The following ZNF558 variants were observed in gnomAD, a reference collection of about 807,000 sequenced individuals.
ZNF558 encodes the protein zinc finger protein 558.
Under a neutral mutation model 37.6 loss-of-function variants are expected in ZNF558, and 23 were observed. The ratio of observed to expected loss-of-function variants is 0.61; its 90% CI spans 0.44 to 0.87. The LOEUF is 0.87. Ranked by LOEUF, ZNF558 falls within the 40% of genes least tolerant of loss-of-function variation. ZNF558 has a pLI of 0.00. For synonymous variants in ZNF558, 189 were observed against 174.4 expected (o/e 1.08, Z -0.66); for missense variants, 429 against 483.7 (o/e 0.89, Z 1.06).
At chr19:8,823,544 A>G (rs1370158252) in intron 4 of ZNF558, among the ~76,000 whole-genome samples, 1 of 83,720 alleles carries the variant, frequency 1.2e-5, no homozygotes, top group Non-Finnish European at 2.2e-5. Context: ...CTGTTACCCC[A>G]ACTCCTGCCC....
intron 2 of ZNF558, among the ~76,000 whole-genome samples, chr19:8,825,961 A>C (rs1450072168): frequency 6.6e-6 from 1 of 152,164 alleles, no homozygotes; most frequent in African/African-American, 2.4e-5. Context: ...GGTCCTTATA[A>C]AAGGGAAACA....
intron 7 of ZNF558, among the ~76,000 whole-genome samples, chr19:8,820,762 C>A (rs2044065274): frequency 6.6e-6 from 1 of 152,186 alleles, no homozygotes; most frequent in Non-Finnish European, 1.5e-5. Flanking sequence ...AGGTGTGAGC[C>A]ACCACACCTG....
chr19:8,812,991 G>A, intron 8 of ZNF558, 136 bp downstream of exon 8: 1 of 679,636 alleles, frequency 1.5e-6, no homozygotes, highest in Non-Finnish European at 2.6e-6. Context: ...CACACCAAAT[G>A]TTCTCGTGCA....
Position 8,811,899 on chromosome 19 carries a change from A to T in ZNF558, c.591T>A (p.Ile197=). Residue 197 remains isoleucine (I), a synonymous_variant, in exon 10 of 10, where the codon ATT becomes ATA. Transcript: ENST00000601372. ...TCTCCCCATTATGGATTCTCTTATG[A>T]ATAGTAAGGTAAGATCTGCTACTGA... ...KSFSSRSYLT[I]HKRIHNGEKP... 1 of 1,614,020 alleles carries T rather than the reference A, an allele frequency of 6.2e-7. No individual in the cohort carries two copies. The highest frequency in any genetic ancestry group is 8.5e-7 in the Non-Finnish European group (1 of 1,179,994).
Position 8,822,920 on chromosome 19 carries a change from A to G in ZNF558, c.-65-196T>C. The G allele has an allele frequency of 3.6e-6, 2 of 558,848 alleles. No homozygotes were observed. Among genetic ancestry groups the G allele is most frequent in the Non-Finnish European group, 6.4e-6 (2 of 311,252 alleles). The allele number at this position is 558,848 out of a possible 1,614,324, so 34.6% of individuals were successfully genotyped here. Reference sequence around the variant, plus strand: ...AAACTTGCCTTCCTCTGTCCCCAACACAACGACCAGTACCTCCCTGACCCA... The same window carrying G: ...AAACTTGCCTTCCTCTGTCCCCAACGCAACGACCAGTACCTCCCTGACCCA... On this transcript the variant is annotated intron_variant, in intron 4 of 9. Transcript: ENST00000601372. This position sits in a 1 kb window ranked among gnomAD's most constrained non-coding sequence, Gnocchi z 4.4.
intron 7 of ZNF558, among the ~76,000 whole-genome samples, chr19:8,817,771 A>G (rs751969076): frequency 1.1e-4 from 17 of 152,236 alleles, no homozygotes; most frequent in Admixed American, 2.0e-4. Context: ...ATAAAGCATC[A>G]ATTTATGGAG....
Position 8,813,192 on chromosome 19 carries a change from G to T in ZNF558, c.278C>A (p.Ser93Tyr). ...GCRVNKPSLI[S>Y]QLEQDKKVVT... ...CACCTTCTTGTCTTGTTCCAACTGG[G>T]ATATCAGACTGGGTTTATTAACACG... The change falls in exon 8 of 10, where the codon TCC becomes TAC. Residue 93 changes from serine to tyrosine, a missense_variant. Transcript: ENST00000601372. 6.3e-7 allele frequency: 1 copy of T among 1,599,058 alleles called. No individual in the cohort carries two copies. The highest frequency in any genetic ancestry group is 2.2e-5 in the East Asian group (1 of 44,674).
chr19:8,811,735 T>C lies in ZNF558; in HGVS notation c.755A>G (p.Lys252Arg). ...CCCCGTGTGAATCCTCTTGTGGCTTTTGAGGTTACAACTGGTGCGGAAAAC... is the reference window on the plus strand; with the variant it reads ...CCCCGTGTGAATCCTCTTGTGGCTTCTGAGGTTACAACTGGTGCGGAAAAC... ...FHVFRTSCNL[K>R]SHKRIHTGEN... The change falls in exon 10 of 10, where the codon AAA becomes AGA. Residue 252 changes from lysine to arginine, a missense_variant. Physicochemically the swap from Lys to Arg is conservative, Grantham distance 26. Coordinates refer to ENST00000601372, the MANE Select transcript of ZNF558 (RefSeq NM_144693.3). 2 of 1,614,076 alleles carry C rather than the reference T, an allele frequency of 1.2e-6. No individual in the cohort carries two copies. The highest frequency in any genetic ancestry group is 1.7e-6 in the Non-Finnish European group (2 of 1,180,014).
In ZNF558 at chr19:8,807,094, G is replaced by C. The variant is rs1453649204; in HGVS notation, c.*4187C>G. ...CTATTGATTTATATATTCATAAATG[G>C]GGATATTTTCCTGTCTCAATGGATG... On this transcript the variant is annotated 3_prime_UTR_variant, in exon 10 of 10. Transcript: ENST00000601372. 6.6e-6 allele frequency: 1 copy of C among 152,134 alleles called. No individual in the cohort carries two copies. The highest frequency in any genetic ancestry group is 1.5e-5 in the Non-Finnish European group (1 of 68,044). The allele number at this position is 152,134 out of a possible 1,614,324, so 9.4% of individuals were successfully genotyped here. A position where few individuals can be genotyped will look rare whatever the true frequency, so the allele number is the denominator to read the frequency against.
chr19:8,835,048 GTT>G (rs777643019), upstream of ZNF558, among the ~76,000 whole-genome samples: 2 of 142,212 alleles, frequency 1.4e-5, no homozygotes, highest in African/African-American at 2.6e-5. Flanking sequence ...TGAACAAAGA[GTT>G]TTTTTTTTTT....
At chr19:8,813,427 C>T (rs2043848876) in intron 7 of ZNF558, among the ~76,000 whole-genome samples, 1 of 152,112 alleles carries the variant, frequency 6.6e-6, no homozygotes, top group Non-Finnish European at 1.5e-5. Flanking sequence ...GGCATGATCT[C>T]GGCTCACTGC....
intron 6 of ZNF558, chr19:8,821,647 C>T (rs1292583118): frequency 1.4e-5 from 18 of 1,315,918 alleles, no homozygotes; most frequent in Non-Finnish European, 1.7e-5. Context: ...TCCAGGGGAT[C>T]ATGGGCCCGT....
chr19:8,809,297 A>C lies in ZNF558; in HGVS notation c.*1984T>G, dbSNP rs1159917755. 8 of 152,236 alleles carry C rather than the reference A, an allele frequency of 5.3e-5. No homozygotes were observed. The highest frequency in any genetic ancestry group is 1.7e-4 in the African/African-American group (7 of 41,460). 9.4% of individuals were successfully genotyped at this position (152,236 alleles called of 1,614,324 possible). On this transcript the variant is annotated 3_prime_UTR_variant, in exon 10 of 10. Coordinates refer to ENST00000601372, the MANE Select transcript of ZNF558 (RefSeq NM_144693.3). ...TGAATGGAAAATATGTGAGGAGAAC[A>C]AGCCAGGAGATGTTCCACACAGTGA...
chr19:8,811,440 G>T lies in ZNF558; in HGVS notation c.1050C>A (p.Cys350Ter). Residue 350 changes from cysteine to a stop codon, truncating the protein, a stop_gained, in exon 10 of 10, where the codon TGC (cysteine) becomes TGA (stop). Transcript: ENST00000601372. LOFTEE classifies it high-confidence loss of function. ...RIHTGEKPYECSDCGKAFNNL... is the reference protein window; with the variant it reads ...RIHTGEKPYE ...TATTAAAGGCTTTTCCACAGTCACT[G>T]CACTCGTAGGGTTTCTCTCCGGTAT... The T allele has an allele frequency of 6.2e-7, 1 of 1,614,082 alleles. No individual in the cohort carries two copies. The highest frequency in any genetic ancestry group is 8.5e-7 in the Non-Finnish European group (1 of 1,179,998).
chr19:8,821,930 G>T, intron 6 of ZNF558, 73 bp downstream of exon 6: 1 of 1,589,754 alleles, frequency 6.3e-7, no homozygotes, highest in African/African-American at 1.3e-5. Flanking sequence ...GAGGCTCCAG[G>T]CTGCTGGAAG....
intron 7 of ZNF558, among the ~76,000 whole-genome samples, chr19:8,819,730 G>A (rs2044034088): frequency 6.6e-6 from 1 of 152,050 alleles, no homozygotes; most frequent in Non-Finnish European, 1.5e-5. Context: ...TTGAGGCCAG[G>A]AGTTTGAGAC....
intron 4 of ZNF558, among the ~76,000 whole-genome samples, chr19:8,823,303 C>A (rs547134543): frequency 4.6e-5 from 7 of 152,016 alleles, no homozygotes; most frequent in Admixed American, 2.0e-4. Context: ...TTTTCTCTCA[C>A]CGCATGTCCT....
upstream of ZNF558, among the ~76,000 whole-genome samples, chr19:8,836,427 TTCC>T (rs1185961056): frequency 1.3e-5 from 2 of 151,132 alleles, no homozygotes; most frequent in African/African-American, 4.9e-5. Flanking sequence ...TCTTTCTTCT[TTCC>T]TCCTCCTCCT....
intron 6 of ZNF558, chr19:8,821,714 T>C: frequency 7.7e-7 from 1 of 1,297,696 alleles, no homozygotes; most frequent in African/African-American, 1.5e-5. Context: ...TCCGTGGCGT[T>C]TATTAATTGC....
Sources: gnomAD v4.1 joint callset for allele counts (sites outside exome capture counted in the v4.1 genomes callset) on GRCh38, gnomAD v4.1.1 for gene constraint, Gnocchi (gnomAD v3.1) non-coding constraint, MANE v1.5 for transcripts, NCBI Gene and HGNC (gene_info 2026-07-23, HGNC 2026-07-21) for gene names.